IL2RA: variants seen among roughly 807,000 people sequenced by gnomAD.
IL2RA encodes interleukin-2 receptor subunit alpha.
Under a neutral mutation model 37.8 loss-of-function variants are expected in IL2RA, and 24 were observed. The observed-to-expected ratio is 0.63, with a 90% CI of 0.46 to 0.89. The LOEUF (loss-of-function observed/expected upper bound fraction) is 0.89, where lower values mean the gene tolerates loss of function less well. IL2RA is among the 40% of genes least tolerant of loss of function. IL2RA has a pLI of 0.00. For missense variants in IL2RA, 319 were observed against 348.6 expected, an observed-to-expected ratio of 0.92 and a Z score of 0.68; for synonymous variants, 125 against 114.6, an observed-to-expected ratio of 1.09 and a Z score of -0.58.
chr10:6,051,842 T>TATATATATATAG (rs1554831694), intron 1 of IL2RA, among the ~76,000 whole-genome samples: 1 of 124,936 alleles, frequency 8.0e-6, no homozygotes, highest in Non-Finnish European at 1.7e-5. Context: ...TATATATATA[T>TATATATATATAG]AGAATTTTTT....
In IL2RA at chr10:6,033,694, G is replaced by A. The variant is rs1013040362; in HGVS notation, c.65-7669C>T. Reference sequence around the variant, plus strand: ...AACAAAATAAGCTAAACACGAAATAGTGCATACACTTTGCTTTCATTTATA... The same window carrying A: ...AACAAAATAAGCTAAACACGAAATAATGCATACACTTTGCTTTCATTTATA... On this transcript the variant is annotated intron_variant, in intron 1 of 7. Transcript: ENST00000379959. This position sits in a 1 kb window ranked among gnomAD's most constrained non-coding sequence, Gnocchi z 4.3. Among the ~76,000 whole-genome samples, 1 of 152,152 alleles carries A rather than the reference G, an allele frequency of 6.6e-6. No individual in the cohort carries two copies. The highest frequency in any genetic ancestry group is 1.5e-5 in the Non-Finnish European group (1 of 68,016).
In IL2RA at chr10:6,021,403, G is replaced by A. The variant is rs371967491; in HGVS notation, c.583+75C>T. On this transcript the variant is annotated intron_variant, in intron 4 of 7. Transcript: ENST00000379959. This position sits in a 1 kb window ranked among gnomAD's most constrained non-coding sequence, Gnocchi z 4.9. ...CAAGGACCACTCTTGTCCAGCAGGAGTGGTCAGGGATTCCACTCTGGTCAG... is the reference window on the plus strand; with the variant it reads ...CAAGGACCACTCTTGTCCAGCAGGAATGGTCAGGGATTCCACTCTGGTCAG... 2.1e-5 allele frequency: 25 copies of A among 1,184,338 alleles called. No individual in the cohort carries two copies. In the African/African-American group the frequency reaches 3.8e-4, roughly 18 times the overall value. 73.4% of individuals were successfully genotyped at this position (1,184,338 alleles called of 1,614,324 possible). A position where few individuals can be genotyped will look rare whatever the true frequency, so the allele number is the denominator to read the frequency against.
At position 6,025,050 on chromosome 10, in the gene IL2RA, T is replaced by C. The variant is rs1398820639; in HGVS notation, c.257-696A>G. On this transcript the variant is annotated intron_variant, in intron 2 of 7. Coordinates refer to ENST00000379959, the MANE Select transcript of IL2RA (RefSeq NM_000417.3). The surrounding 1 kb of genome is among the most constrained non-coding windows in gnomAD (Gnocchi z 4.4). ...GAGTTTAAGACCAGCCTGGACAACA[T>C]GGGGAAACCCCATCACTAACAAAAA... Among the ~76,000 whole-genome samples, 1 of 152,114 alleles carries C rather than the reference T, an allele frequency of 6.6e-6. No individual in the cohort carries two copies. Among genetic ancestry groups the C allele is most frequent in the Non-Finnish European group, 1.5e-5 (1 of 68,020 alleles).
At position 6,058,257 on chromosome 10, in the gene IL2RA, G is replaced by A. The variant is rs576636613; in HGVS notation, c.64+3831C>T. On this transcript the variant is annotated intron_variant, in intron 1 of 7. Coordinates refer to ENST00000379959, the MANE Select transcript of IL2RA (RefSeq NM_000417.3). This position sits in a 1 kb window ranked among gnomAD's most constrained non-coding sequence, Gnocchi z 4.2. ...AGTGGAGTTTTAGAGCTCAGCAACC[G>A]TTCTATATTAGCACCTCTAACTGAC... Among the ~76,000 whole-genome samples, 18 of 152,254 alleles carry A rather than the reference G, an allele frequency of 1.2e-4. No individual in the cohort carries two copies. Among genetic ancestry groups the A allele is most frequent in the East Asian group, 7.7e-4 (4 of 5,184 alleles).
rs1564554526 is a variant in IL2RA, at chr10:6,056,287, A to G, written c.64+5801T>C. Among the ~76,000 whole-genome samples the G allele has an allele frequency of 6.6e-6, 1 of 152,222 alleles. No homozygotes were observed. Among genetic ancestry groups the G allele is most frequent in the Non-Finnish European group, 1.5e-5 (1 of 68,036 alleles). ...AACTTTCTTCATCTCTGTAATCCTC[A>G]TGCATGAATGGATGGATGAAGGAAT... On this transcript the variant is annotated intron_variant, in intron 1 of 7. Coordinates refer to ENST00000379959, the MANE Select transcript of IL2RA (RefSeq NM_000417.3). The surrounding 1 kb of genome is among the most constrained non-coding windows in gnomAD (Gnocchi z 5.0).
In IL2RA at chr10:6,014,298, A is replaced by T. The variant is rs911846331; in HGVS notation, c.795-1402T>A. 2.6e-5 allele frequency among the ~76,000 whole-genome samples: 4 copies of T among 152,040 alleles called. No homozygotes were observed. Among genetic ancestry groups the T allele is most frequent in the Admixed American group, 2.0e-4 (3 of 15,264 alleles). The stretch of plus-strand genomic sequence containing the variant: ...AACCAAAACTCTCTGGCTGGGCTAC[A>T]GTGATCTTTCGGTAATTCAAATGCA... On this transcript the variant is annotated intron_variant, in intron 7 of 7. Transcript: ENST00000379959. This position sits in a 1 kb window ranked among gnomAD's most constrained non-coding sequence, Gnocchi z 4.4.
At chr10:6,016,507 C>T (rs1035782428) in intron 7 of IL2RA, among the ~76,000 whole-genome samples, 9 of 121,168 alleles carry the variant, frequency 7.4e-5, no homozygotes, top group Admixed American at 3.8e-4. Context: ...ATTAAAAATA[C>T]GTACTGATGT....
chr10:6,025,905 G>T lies in IL2RA; in HGVS notation c.185C>A (p.Ser62Ter). ...GTTTCCTGTACAGAGCATATAGAGTGACCCGCTTTTTATTCTGCGGAAACC... is the reference window on the plus strand; with the variant it reads ...GTTTCCTGTACAGAGCATATAGAGTTACCCGCTTTTTATTCTGCGGAAACC... ...KRGFRRIKSGSLYMLCTGNSS... is the reference protein window; with the variant it reads ...KRGFRRIKSG The change falls in exon 2 of 8, where the codon TCA (serine) becomes TAA (stop). Residue 62 changes from serine (S) to a stop codon, truncating the protein, a stop_gained. Transcript: ENST00000379959. LOFTEE classifies it high-confidence loss of function. This position sits in a 1 kb window ranked among gnomAD's most constrained non-coding sequence, Gnocchi z 4.4. The T allele has an allele frequency of 6.2e-7, 1 of 1,614,164 alleles. No individual in the cohort carries two copies. Among genetic ancestry groups the T allele is most frequent in the South Asian group, 1.1e-5 (1 of 91,066 alleles).
chr10:6,017,666 C>G (rs1181883153), intron 7 of IL2RA, among the ~76,000 whole-genome samples: 5 of 150,994 alleles, frequency 3.3e-5, no homozygotes, highest in African/African-American at 1.2e-4. Context: ...ACCTCCGCCT[C>G]CCAGGTTCAA....
Position 6,056,037 on chromosome 10 carries a change from T to C in IL2RA, c.64+6051A>G, listed in dbSNP as rs1471928186. 6.6e-6 allele frequency among the ~76,000 whole-genome samples: 1 copy of C among 152,170 alleles called. No homozygotes were observed. The highest frequency in any genetic ancestry group is 2.4e-5 in the African/African-American group (1 of 41,440). On this transcript the variant is annotated intron_variant, in intron 1 of 7. Coordinates refer to ENST00000379959, the MANE Select transcript of IL2RA (RefSeq NM_000417.3). The surrounding 1 kb of genome is among the most constrained non-coding windows in gnomAD (Gnocchi z 5.0). ...ACAGAAGCAAACCACGGAGTCGCCT[T>C]GAGATCAGTCAAAACACTGAGTAAT...
At chr10:6,045,317 A>T (rs571077001) in intron 1 of IL2RA, among the ~76,000 whole-genome samples, 24 of 152,326 alleles carry the variant, frequency 1.6e-4, no homozygotes, top group African/African-American at 5.8e-4. Flanking sequence ...AACAACAACG[A>T]AATGATGGGG....
At chr10:6,038,716 G>T (rs1187306342) in intron 1 of IL2RA, among the ~76,000 whole-genome samples, 1 of 152,204 alleles carries the variant, frequency 6.6e-6, no homozygotes, top group South Asian at 2.1e-4. Context: ...TGTAGAAAAG[G>T]TTTGTGGAGG....
rs961133114 is a variant in IL2RA, at chr10:6,011,321, G to T, written c.*1551C>A. 1.5e-4 allele frequency: 23 copies of T among 152,016 alleles called. No individual in the cohort carries two copies. The highest frequency in any genetic ancestry group is 1.5e-3 in the Admixed American group (23 of 15,244). The allele number at this position is 152,016 out of a possible 1,614,324, so 9.4% of individuals were successfully genotyped here. A position where few individuals can be genotyped will look rare whatever the true frequency, so the allele number is the denominator to read the frequency against. On this transcript the variant is annotated 3_prime_UTR_variant, in exon 8 of 8. Transcript: ENST00000379959. This position sits in a 1 kb window ranked among gnomAD's most constrained non-coding sequence, Gnocchi z 5.2. ...TCGTGGGAGTTGAGAGTGGGTGGGCGTGCAGAGCAATAACACAATGGTTCT... is the reference window on the plus strand; with the variant it reads ...TCGTGGGAGTTGAGAGTGGGTGGGCTTGCAGAGCAATAACACAATGGTTCT...
At position 6,047,267 on chromosome 10, in the gene IL2RA, T is replaced by C. The variant is rs1425567891; in HGVS notation, c.64+14821A>G. On this transcript the variant is annotated intron_variant, in intron 1 of 7. Transcript: ENST00000379959. This position sits in a 1 kb window ranked among gnomAD's most constrained non-coding sequence, Gnocchi z 5.0. ...AGCACTCCATCCCGACCTCATACCATGTGCACAGCACCTGATGCTGGTGGG... is the reference window on the plus strand; with the variant it reads ...AGCACTCCATCCCGACCTCATACCACGTGCACAGCACCTGATGCTGGTGGG... 6.6e-6 allele frequency among the ~76,000 whole-genome samples: 1 copy of C among 152,190 alleles called. No homozygotes were observed. Among genetic ancestry groups the C allele is most frequent in the East Asian group, 1.9e-4 (1 of 5,194 alleles).
chr10:6,021,343 A>G lies in IL2RA; in HGVS notation c.583+135T>C, dbSNP rs1839383754. 4 of 788,030 alleles carry G rather than the reference A, an allele frequency of 5.1e-6. No homozygotes were observed. Among genetic ancestry groups the G allele is most frequent in the Admixed American group, 4.7e-5 (2 of 42,634 alleles). 48.8% of individuals were successfully genotyped at this position (788,030 alleles called of 1,614,324 possible). On this transcript the variant is annotated intron_variant, in intron 4 of 7. Coordinates refer to ENST00000379959, the MANE Select transcript of IL2RA (RefSeq NM_000417.3). The surrounding 1 kb of genome is among the most constrained non-coding windows in gnomAD (Gnocchi z 4.9). ...TTTTTTTTTTTTTCTCAGAATGAGA[A>G]AAAATGGAAGCCCAGGGAGATCAAG...
At chr10:6,016,909 C>A (rs915357460) in intron 7 of IL2RA, 2 of 152,150 alleles carry the variant, frequency 1.3e-5, no homozygotes, top group African/African-American at 4.8e-5. Flanking sequence ...GCTGTTTTGG[C>A]TGAACAACCT....
chr10:6,023,353 G>A (rs896641316), intron 3 of IL2RA, among the ~76,000 whole-genome samples: 4 of 151,882 alleles, frequency 2.6e-5, no homozygotes. Context: ...TTTTTTGAGG[G>A]GGGACAGAGT....
At position 6,029,255 on chromosome 10, in the gene IL2RA, C is replaced by G. The variant is rs538408781; in HGVS notation, c.65-3230G>C. Among the ~76,000 whole-genome samples, 512 of 151,046 alleles carry G rather than the reference C, an allele frequency of 3.4e-3. 2 individuals carry two copies. The highest frequency in any genetic ancestry group is 0.012 in the African/African-American group (496 of 41,120). Reference sequence around the variant, plus strand: ...TCTTGACTCACTGCAACCTCTGCCCCCCGGGTTCAAGCGATTCTCCTGCCT... The same window carrying G: ...TCTTGACTCACTGCAACCTCTGCCCGCCGGGTTCAAGCGATTCTCCTGCCT... On this transcript the variant is annotated intron_variant, in intron 1 of 7. Transcript: ENST00000379959. This position sits in a 1 kb window ranked among gnomAD's most constrained non-coding sequence, Gnocchi z 4.6.
rs1263501837 is a variant in IL2RA at position 6,044,513 on chromosome 10, C to T, written c.64+17575G>A. On this transcript the variant is annotated intron_variant, in intron 1 of 7. Coordinates refer to ENST00000379959, the MANE Select transcript of IL2RA (RefSeq NM_000417.3). The surrounding 1 kb of genome is among the most constrained non-coding windows in gnomAD (Gnocchi z 4.5). ...ACTGCTATGGAAAGGAGCAGGAACG[C>T]CTGGGTGTTGCCATGGCAATGGTAA... Among the ~76,000 whole-genome samples, 2 of 152,170 alleles carry T rather than the reference C, an allele frequency of 1.3e-5. No homozygotes were observed. The highest frequency in any genetic ancestry group is 3.8e-4 in the East Asian group (2 of 5,200).
Sources: gnomAD v4.1 joint callset for allele counts (sites outside exome capture counted in the v4.1 genomes callset) on GRCh38, gnomAD v4.1.1 for gene constraint, Gnocchi (gnomAD v3.1) non-coding constraint, MANE v1.5 for transcripts, NCBI Gene and HGNC (gene_info 2026-07-23, HGNC 2026-07-21) for gene names.